ADAMTS6: variants seen among roughly 807,000 people sequenced by gnomAD.
ADAMTS6 encodes ADAM metallopeptidase with thrombospondin type 1 motif 6.
A neutral mutation model predicts 144.3 loss-of-function variants in ADAMTS6; 23 were observed. The ratio of observed to expected loss-of-function variants is 0.16; its 90% CI spans 0.11 to 0.23. The LOEUF (loss-of-function observed/expected upper bound fraction) is 0.23. ADAMTS6 is among the 10% of genes least tolerant of loss of function. The pLI is 1.00. For synonymous variants in ADAMTS6, 444 were observed against 457.5 expected, an observed-to-expected ratio of 0.97 and a Z score of 0.38; for missense variants, 999 against 1,379.6, an observed-to-expected ratio of 0.72 and a Z score of 4.37.
chr5:65,424,667 A>G (rs1756356697), intron 7 of ADAMTS6, among the ~76,000 whole-genome samples: 1 of 152,232 alleles, frequency 6.6e-6, no homozygotes, highest in African/African-American at 2.4e-5. Context: ...GAAGCATTAA[A>G]GTTGCATCTA....
At chr5:65,269,876 C>G (rs1288035605) in intron 12 of ADAMTS6, among the ~76,000 whole-genome samples, 3 of 151,360 alleles carry the variant, frequency 2.0e-5, no homozygotes, top group Non-Finnish European at 4.4e-5. Context: ...TCACTGCAAC[C>G]TCCGCCTCCT....
At chr5:65,412,355 T>C (rs1297932710) in intron 7 of ADAMTS6, among the ~76,000 whole-genome samples, 1 of 151,930 alleles carries the variant, frequency 6.6e-6, no homozygotes, top group Non-Finnish European at 1.5e-5. Context: ...GATTACAGCA[T>C]TATATAGAAG....
chr5:65,460,631 A>C (rs182638001), intron 3 of ADAMTS6, among the ~76,000 whole-genome samples: 45 of 152,326 alleles, frequency 3.0e-4, no homozygotes, highest in South Asian at 6.2e-4. Context: ...TTATGTGAAC[A>C]CTAAAACTTA....
intron 1 of ADAMTS6, among the ~76,000 whole-genome samples, chr5:65,476,333 C>T (rs1238561195): frequency 6.6e-6 from 1 of 152,166 alleles, no homozygotes; most frequent in Non-Finnish European, 1.5e-5. Flanking sequence ...CCCCTAGATT[C>T]CTGACCCAGA....
intron 14 of ADAMTS6, among the ~76,000 whole-genome samples, chr5:65,250,769 T>A (rs940647071): frequency 6.6e-6 from 1 of 152,210 alleles, no homozygotes; most frequent in African/African-American, 2.4e-5. Context: ...ACAAAGATCA[T>A]TTTGTTTTTG....
chr5:65,400,622 T>C (rs144609571), intron 7 of ADAMTS6, among the ~76,000 whole-genome samples: 69 of 152,358 alleles, frequency 4.5e-4, no homozygotes, highest in Non-Finnish European at 7.8e-4. Flanking sequence ...TTCTCGGTCA[T>C]TATTGTTTCA....
chr5:65,292,354 C>T (rs1448904676), intron 10 of ADAMTS6, among the ~76,000 whole-genome samples: 1 of 150,372 alleles, frequency 6.7e-6, no homozygotes, highest in Non-Finnish European at 1.5e-5. Flanking sequence ...AAAATTTTTT[C>T]CAACATTCCT....
intron 7 of ADAMTS6, among the ~76,000 whole-genome samples, chr5:65,373,260 A>G (rs1331840139): frequency 6.6e-6 from 1 of 151,430 alleles, no homozygotes; most frequent in East Asian, 1.9e-4. Flanking sequence ...CTAAAATCAG[A>G]GCAGAACTGA....
chr5:65,304,509 T>C (rs543039288), intron 9 of ADAMTS6, among the ~76,000 whole-genome samples: 1 of 152,198 alleles, frequency 6.6e-6, no homozygotes, highest in Admixed American at 6.5e-5. Context: ...CATGGCTCAC[T>C]GCAGCCTCGA....
intron 22 of ADAMTS6, among the ~76,000 whole-genome samples, chr5:65,178,660 G>C (rs968961692): frequency 6.6e-6 from 1 of 152,174 alleles, no homozygotes; most frequent in East Asian, 1.9e-4. Context: ...CCATGTCTAA[G>C]GGCCCTGGCA....
intron 1 of ADAMTS6, among the ~76,000 whole-genome samples, chr5:65,476,005 C>A (rs1311616571): frequency 6.6e-6 from 1 of 152,096 alleles, no homozygotes; most frequent in Admixed American, 6.5e-5. Flanking sequence ...AATACCTCAA[C>A]ACTGAGGGGA....
chr5:65,384,051 C>A (rs990177059), intron 7 of ADAMTS6, among the ~76,000 whole-genome samples: 1 of 152,166 alleles, frequency 6.6e-6, no homozygotes, highest in South Asian at 2.1e-4. Flanking sequence ...AAGGCCCTGG[C>A]GTTCTGACCC....
intron 7 of ADAMTS6, among the ~76,000 whole-genome samples, chr5:65,434,963 T>C (rs1178340801): frequency 6.6e-6 from 1 of 152,108 alleles, no homozygotes; most frequent in Non-Finnish European, 1.5e-5. Flanking sequence ...TTTATAATAA[T>C]GGAAAAATGA....
At chr5:65,221,329 T>C (rs946741368) in intron 18 of ADAMTS6, among the ~76,000 whole-genome samples, 21 of 152,220 alleles carry the variant, frequency 1.4e-4, no homozygotes, top group Admixed American at 1.3e-3. Flanking sequence ...GAATACTACA[T>C]GGATTTTACA....
chr5:65,369,942 T>C (rs1295981728), intron 7 of ADAMTS6, among the ~76,000 whole-genome samples: 5 of 152,122 alleles, frequency 3.3e-5, no homozygotes, highest in Admixed American at 6.5e-5. Context: ...GGAAGTTATT[T>C]TTTTTTCCTT....
At chr5:65,371,347 A>G (rs1750890363) in intron 7 of ADAMTS6, among the ~76,000 whole-genome samples, 1 of 152,114 alleles carries the variant, frequency 6.6e-6, no homozygotes, top group South Asian at 2.1e-4. Flanking sequence ...CATTCAAACC[A>G]AAGGCAAAGA....
At chr5:65,411,645 G>A (rs1025283848) in intron 7 of ADAMTS6, among the ~76,000 whole-genome samples, 31 of 152,120 alleles carry the variant, frequency 2.0e-4, no homozygotes, top group African/African-American at 7.5e-4. Flanking sequence ...AAAAACATAA[G>A]TTAAAACATG....
intron 8 of ADAMTS6, among the ~76,000 whole-genome samples, chr5:65,332,303 A>ATG (rs71766947): frequency 8.5e-6 from 1 of 117,748 alleles, no homozygotes; most frequent in Non-Finnish European, 1.9e-5. Context: ...ATATATATAT[A>ATG]TATATATATA....
chr5:65,388,623 A>C (rs890508297), intron 7 of ADAMTS6, among the ~76,000 whole-genome samples: 1 of 152,236 alleles, frequency 6.6e-6, no homozygotes, highest in Non-Finnish European at 1.5e-5. Flanking sequence ...AGGAGTCTAT[A>C]AAATCTTCCT....
Sources: gnomAD v4.1 joint callset for allele counts (sites outside exome capture counted in the v4.1 genomes callset) on GRCh38, gnomAD v4.1.1 for gene constraint, MANE v1.5 for transcripts, NCBI Gene and HGNC (gene_info 2026-07-23, HGNC 2026-07-21) for gene names.